PAN3: variants seen among roughly 807,000 people sequenced by gnomAD.
The protein encoded by PAN3 is PAN2-PAN3 deadenylation complex subunit PAN3.
PAN3 carries 19 observed loss-of-function variants against 96.2 expected under a neutral mutation model. The ratio of observed to expected loss-of-function variants is 0.20; its 90% CI spans 0.14 to 0.29. PAN3 has a LOEUF of 0.29. Among genes scored for constraint, PAN3 ranks in the 10% least tolerant of loss-of-function variants. The probability of loss-of-function intolerance (pLI) is 1.00; values close to 1 mark genes in which losing one functional copy is unlikely to be tolerated. For missense variants in PAN3, 882 were observed against 1,108.1 expected (o/e 0.80, Z 2.90); for synonymous variants, 433 against 406.6 (o/e 1.06, Z -0.78).
intron 5 of PAN3, among the ~76,000 whole-genome samples, chr13:28,205,664 C>A (rs546839314): frequency 6.6e-6 from 1 of 151,848 alleles, no homozygotes; most frequent in Non-Finnish European, 1.5e-5. Flanking sequence ...CATAGTGAGA[C>A]CCCTGTCTCT....
intron 6 of PAN3, among the ~76,000 whole-genome samples, chr13:28,234,552 C>T (rs993151796): frequency 2.0e-5 from 3 of 152,080 alleles, no homozygotes; most frequent in Non-Finnish European, 4.4e-5. Context: ...GTAGCTACTA[C>T]CTAAGCTATG....
intron 2 of PAN3, 53 bp downstream of exon 2, chr13:28,174,446 G>A: frequency 6.4e-7 from 1 of 1,571,524 alleles, no homozygotes; most frequent in Non-Finnish European, 8.7e-7. Flanking sequence ...TAGGGCCAGA[G>A]GACATATAGA....
At chr13:28,161,530 C>T (rs148856210) in intron 1 of PAN3, among the ~76,000 whole-genome samples, 9 of 152,242 alleles carry the variant, frequency 5.9e-5, no homozygotes, top group Middle Eastern at 3.4e-3. Context: ...ACTCTATATT[C>T]AAATGAGGTC....
rs111548853 is a variant in PAN3 at position 28,281,061 on chromosome 13, T to C, written c.2320-254T>C. ...TTCATTCATGGCTTTGCTACAGTCA[T>C]GTGACAAAAATCTTGGTTTTTCATG... On this transcript the variant is annotated intron_variant, in intron 16 of 18. Coordinates refer to ENST00000380958, the MANE Select transcript of PAN3 (RefSeq NM_175854.8). Among the ~76,000 whole-genome samples the C allele has an allele frequency of 5.2e-3, 785 of 152,360 alleles. 1 individual carries two copies. Among genetic ancestry groups the C allele is most frequent in the Admixed American group, 7.3e-3 (112 of 15,304 alleles).
intron 5 of PAN3, among the ~76,000 whole-genome samples, chr13:28,203,509 A>G (rs1177710854): frequency 6.6e-6 from 1 of 150,764 alleles, no homozygotes; most frequent in African/African-American, 2.4e-5. Flanking sequence ...GGGTTTCTCC[A>G]TATTGCTCAG....
At chr13:28,146,706 A>C (rs1870701827) in intron 1 of PAN3, among the ~76,000 whole-genome samples, 1 of 152,184 alleles carries the variant, frequency 6.6e-6, no homozygotes, top group South Asian at 2.1e-4. Context: ...GGCCAGGCGC[A>C]GTGGCTCACA....
At chr13:28,186,011 AG>A (rs1291884107) in intron 4 of PAN3, among the ~76,000 whole-genome samples, 2 of 152,226 alleles carry the variant, frequency 1.3e-5, no homozygotes, top group Non-Finnish European at 2.9e-5. Context: ...TGCTAGCCTA[AG>A]CTCCAAATTA....
chr13:28,232,971 T>C (rs7997817), intron 6 of PAN3, among the ~76,000 whole-genome samples: 1 of 152,180 alleles, frequency 6.6e-6, no homozygotes. Flanking sequence ...GTTAGATTCA[T>C]TATAAAACAT....
chr13:28,280,302 C>A, intron 15 of PAN3, 110 bp from the exon 16 acceptor site: 1 of 1,294,458 alleles, frequency 7.7e-7, no homozygotes, highest in South Asian at 1.7e-5. Flanking sequence ...AAAATGTTTT[C>A]AAAATTTTGT....
At chr13:28,252,185 GC>G (rs1472175107) in intron 6 of PAN3, among the ~76,000 whole-genome samples, 1 of 140,804 alleles carries the variant, frequency 7.1e-6, no homozygotes, top group Non-Finnish European at 1.5e-5. Flanking sequence ...ACTGCGACGG[GC>G]CCTTTTTTTT....
At chr13:28,284,568 T>C (rs1433100534) in intron 17 of PAN3, among the ~76,000 whole-genome samples, 2 of 152,166 alleles carry the variant, frequency 1.3e-5, no homozygotes, top group African/African-American at 2.4e-5. Context: ...TTTCTTCATA[T>C]TAAAAATGTT....
chr13:28,177,550 T>TA (rs1374844850), intron 3 of PAN3, among the ~76,000 whole-genome samples: 2 of 152,152 alleles, frequency 1.3e-5, no homozygotes, highest in African/African-American at 4.8e-5. Flanking sequence ...TTTATTTACT[T>TA]TAGGTCAACT....
At chr13:28,283,705 A>G (rs779434628) in intron 17 of PAN3, among the ~76,000 whole-genome samples, 26 of 152,248 alleles carry the variant, frequency 1.7e-4, no homozygotes, top group Non-Finnish European at 8.8e-5. Flanking sequence ...CTTATTCCTC[A>G]TAACAACCCT....
intron 9 of PAN3, among the ~76,000 whole-genome samples, 157 bp from the exon 10 acceptor site, chr13:28,266,558 G>A (rs1886197433): frequency 6.6e-6 from 1 of 152,112 alleles, no homozygotes; most frequent in South Asian, 2.1e-4. Context: ...AAGCTAGTTT[G>A]TCTTATGGAA....
intron 4 of PAN3, 86 bp from the exon 5 acceptor site, chr13:28,197,099 A>G (rs1015924079): frequency 4.2e-6 from 6 of 1,428,552 alleles, no homozygotes; most frequent in East Asian, 2.5e-5. Flanking sequence ...CACCGTTCCC[A>G]GTATCCTGTA....
In PAN3 at chr13:28,267,165, C is replaced by A. The variant is rs554261454; in HGVS notation, c.1644C>A (p.Ile548=). Residue 548 remains isoleucine (I), a synonymous_variant, in exon 11 of 19, where the codon ATC becomes ATA. Transcript: ENST00000380958. The stretch of plus-strand genomic sequence containing the variant: ...GGAAGAAAATTCAACACTCAAATAT[C>A]GTAACTTTGCGTGAAGTATTTACCA... ...DMWKKIQHSN[I]VTLREVFTTK... is the part of the protein sequence containing the mutation. 1 of 1,613,050 alleles carries A rather than the reference C, an allele frequency of 6.2e-7. No homozygotes were observed.
intron 4 of PAN3, among the ~76,000 whole-genome samples, chr13:28,195,136 G>GTGGT (rs1336376083): frequency 1.3e-5 from 2 of 152,168 alleles, no homozygotes; most frequent in African/African-American, 4.8e-5. Context: ...TTAGGCTGAT[G>GTGGT]TGGTGGCTCA....
At chr13:28,223,929 G>A (rs932913328) in intron 6 of PAN3, among the ~76,000 whole-genome samples, 6 of 129,704 alleles carry the variant, frequency 4.6e-5, no homozygotes, top group African/African-American at 1.8e-4. Context: ...CTCCCAGGCT[G>A]GAGTGCGTGG....
rs1870021109 is a variant in PAN3, at chr13:28,293,513, T to A, written c.*991T>A. 6.7e-6 allele frequency: 1 copy of A among 148,692 alleles called. No homozygotes were observed. The highest frequency in any genetic ancestry group is 1.5e-5 in the Non-Finnish European group (1 of 67,590). The allele number at this position is 148,692 out of a possible 1,614,324, so 9.2% of individuals were successfully genotyped here. On this transcript the variant is annotated 3_prime_UTR_variant, in exon 19 of 19. Transcript: ENST00000380958. Reference sequence around the variant, plus strand: ...AGACACAGAGACACTGTTCAGAAGATGAACTAAACTCAGCAGTGGTCTGGT... The same window carrying A: ...AGACACAGAGACACTGTTCAGAAGAAGAACTAAACTCAGCAGTGGTCTGGT...
Sources: allele counts gnomAD v4.1 joint callset (sites outside exome capture counted in the v4.1 genomes callset), GRCh38; gene constraint gnomAD v4.1.1; transcripts MANE v1.5; gene names NCBI Gene and HGNC (gene_info 2026-07-23, HGNC 2026-07-21).